The following CPQ variants were observed in gnomAD, a reference collection of about 807,000 sequenced individuals.
CPQ encodes the protein carboxypeptidase Q.
A neutral mutation model predicts 45.7 loss-of-function variants in CPQ; 37 were observed. The observed-to-expected ratio is 0.81, with a 90% CI of 0.62 to 1.07. The LOEUF is 1.07. Ranked by LOEUF, CPQ falls within the 50% of genes least tolerant of loss-of-function variation. CPQ has a pLI of 0.00. For missense variants in CPQ, 537 were observed against 572.9 expected (o/e 0.94, Z 0.64); for synonymous variants, 186 against 205.8 (o/e 0.90, Z 0.82).
chr8:97,118,046 G>A (rs887201043), intron 7 of CPQ, among the ~76,000 whole-genome samples: 13 of 152,126 alleles, frequency 8.5e-5, no homozygotes, highest in African/African-American at 2.9e-4. Context: ...CATGCAGTGT[G>A]CCAATAAGAG....
intron 4 of CPQ, among the ~76,000 whole-genome samples, chr8:96,942,792 A>T (rs1813141180): frequency 6.6e-6 from 1 of 152,186 alleles, no homozygotes; most frequent in Non-Finnish European, 1.5e-5. Context: ...GTCTGCACTG[A>T]TGCAGATGTC....
intron 5 of CPQ, among the ~76,000 whole-genome samples, chr8:96,995,183 C>T (rs1054303536): frequency 2.0e-5 from 3 of 151,996 alleles, no homozygotes; most frequent in Non-Finnish European, 2.9e-5. Context: ...CCTCAACTTA[C>T]AACTCTGTTA....
intron 3 of CPQ, among the ~76,000 whole-genome samples, chr8:96,852,337 C>T (rs1811781093): frequency 6.6e-6 from 1 of 152,214 alleles, no homozygotes. Flanking sequence ...AATAGACACA[C>T]ACACAAAAAA....
chr8:96,810,410 G>A (rs1003997134), intron 2 of CPQ, among the ~76,000 whole-genome samples: 2 of 152,172 alleles, frequency 1.3e-5, no homozygotes, highest in African/African-American at 4.8e-5. Flanking sequence ...GCAAGGGAAG[G>A]AAGATTATTT....
At chr8:96,788,108 A>T (rs1311469098) in intron 2 of CPQ, among the ~76,000 whole-genome samples, 3 of 147,712 alleles carry the variant, frequency 2.0e-5, no homozygotes, top group African/African-American at 2.5e-5. Context: ...CAGCACTTTG[A>T]ATACATTATC....
intron 3 of CPQ, among the ~76,000 whole-genome samples, chr8:96,847,430 A>T (rs1276610293): frequency 6.6e-6 from 1 of 152,162 alleles, no homozygotes; most frequent in Non-Finnish European, 1.5e-5. Context: ...ATGGGTTTTT[A>T]AAAAATGTAT....
At chr8:97,117,373 A>G (rs1811612695) in intron 7 of CPQ, among the ~76,000 whole-genome samples, 1 of 152,010 alleles carries the variant, frequency 6.6e-6, no homozygotes. Context: ...TTTCCCTGAG[A>G]CTTTTCTGGT....
intron 2 of CPQ, among the ~76,000 whole-genome samples, chr8:96,815,990 A>G (rs762778728): frequency 6.6e-6 from 1 of 152,096 alleles, no homozygotes; most frequent in Non-Finnish European, 1.5e-5. Context: ...ACGGCTGCCG[A>G]CTGATGAGGG....
At chr8:96,654,762 T>C (rs1815618395) in intron 1 of CPQ, among the ~76,000 whole-genome samples, 1 of 152,244 alleles carries the variant, frequency 6.6e-6, no homozygotes, top group Admixed American at 6.5e-5. Context: ...GCCAAAAGAC[T>C]GGTAGCTGAT....
chr8:96,762,615 C>A (rs1036140416), intron 1 of CPQ, among the ~76,000 whole-genome samples: 2 of 152,158 alleles, frequency 1.3e-5, no homozygotes, highest in Non-Finnish European at 2.9e-5. Context: ...AGTATCCAGG[C>A]TCTCTGCCCC....
intron 3 of CPQ, among the ~76,000 whole-genome samples, chr8:96,861,515 C>G (rs950799386): frequency 1.3e-5 from 2 of 152,056 alleles, no homozygotes; most frequent in Admixed American, 6.6e-5. Context: ...AAGTACATGA[C>G]GAGGATGTCA....
intron 1 of CPQ, among the ~76,000 whole-genome samples, chr8:96,746,168 A>G (rs1162295691): frequency 4.6e-5 from 7 of 152,218 alleles, no homozygotes; most frequent in Admixed American, 3.9e-4. Context: ...TGGCCTGTTT[A>G]GATAGGAGAA....
chr8:96,883,667 C>T (rs905194006), intron 4 of CPQ, among the ~76,000 whole-genome samples: 2 of 152,120 alleles, frequency 1.3e-5, no homozygotes, highest in Non-Finnish European at 2.9e-5. Context: ...AGCATGAAGT[C>T]CCTCTGCAGG....
intron 1 of CPQ, among the ~76,000 whole-genome samples, chr8:96,669,231 C>G (rs1808969888): frequency 5.3e-5 from 8 of 152,242 alleles, no homozygotes. Context: ...GCACCTCTCC[C>G]TTGCCCTGCT....
chr8:96,854,243 C>G (rs1403065981), intron 3 of CPQ, among the ~76,000 whole-genome samples: 1 of 151,918 alleles, frequency 6.6e-6, no homozygotes, highest in Non-Finnish European at 1.5e-5. Context: ...TTTTAAGAAA[C>G]AATGTGGGCC....
chr8:97,057,376 T>C (rs1364153655), intron 6 of CPQ, among the ~76,000 whole-genome samples: 3 of 152,198 alleles, frequency 2.0e-5, no homozygotes, highest in Non-Finnish European at 4.4e-5. Context: ...TGTCCATTAT[T>C]TTGTCCAGCG....
chr8:96,652,196 A>T (rs969540637), intron 1 of CPQ, among the ~76,000 whole-genome samples: 1 of 152,176 alleles, frequency 6.6e-6, no homozygotes, highest in South Asian at 2.1e-4. Context: ...TTTAGATTCC[A>T]CGTAGAAGTG....
intron 7 of CPQ, among the ~76,000 whole-genome samples, chr8:97,141,535 G>A (rs1162718628): frequency 1.3e-5 from 2 of 152,132 alleles, no homozygotes; most frequent in African/African-American, 4.8e-5. Context: ...ATCAAGTGCT[G>A]TAGACTATGT....
At chr8:96,784,780 C>T in intron 1 of CPQ, 84 bp from the exon 2 acceptor site, 1 of 969,484 alleles carries the variant, frequency 1.0e-6, no homozygotes. Flanking sequence ...AAGGGGAATG[C>T]TGCTTGAAAA....
Sources: allele counts gnomAD v4.1 joint callset (sites outside exome capture counted in the v4.1 genomes callset), GRCh38; gene constraint gnomAD v4.1.1; transcripts MANE v1.5; gene names NCBI Gene and HGNC (gene_info 2026-07-23, HGNC 2026-07-21).